Variants in SLC22A7 observed in about 807,000 individuals in gnomAD.
The protein encoded by SLC22A7 is solute carrier family 22 member 7, also known as hOAT2.
SLC22A7 carries 48 observed loss-of-function variants against 62.2 expected under a neutral mutation model. The observed-to-expected ratio is 0.77, with a 90% confidence interval of 0.61 to 0.98. The LOEUF is 0.98. Among genes scored for constraint, SLC22A7 ranks in the 50% least tolerant of loss-of-function variants. The pLI, the probability that SLC22A7 is intolerant of heterozygous loss-of-function variation, is 0.00. For missense variants in SLC22A7, 581 were observed against 703.8 expected (o/e 0.83, Z 1.97); for synonymous variants, 276 against 314.8 (o/e 0.88, Z 1.30).
chr6:43,298,673 G>A lies in SLC22A7; in HGVS notation c.315G>A (p.Glu105=). 6.4e-7 allele frequency: 1 copy of A among 1,561,152 alleles called. No homozygotes were observed. The highest frequency in any genetic ancestry group is 2.3e-5 in the East Asian group (1 of 44,430). Reference sequence around the variant, plus strand: ...AAAGGCAGAGCCGTGGGGAGCTGGAGGATGAACCTGCCACAGTGCCCTGCT... The same window carrying A: ...AAAGGCAGAGCCGTGGGGAGCTGGAAGATGAACCTGCCACAGTGCCCTGCT... ...GEERQSRGEL[E]DEPATVPCSQ... is the part of the protein sequence containing the mutation. Residue 105 remains glutamate (E), a synonymous_variant, in exon 1 of 11, where the codon GAG becomes GAA. Transcript: ENST00000372585.
intron 9 of SLC22A7, chr6:43,303,027 G>T (rs1406679435): frequency 5.0e-6 from 4 of 798,440 alleles, no homozygotes; most frequent in Non-Finnish European, 6.1e-6. Context: ...CCTCTCACTC[G>T]TTCTCCACAC....
chr6:43,301,030 G>A (rs1439070696), intron 5 of SLC22A7, 105 bp from the exon 6 acceptor site: 5 of 1,411,044 alleles, frequency 3.5e-6, no homozygotes, highest in Admixed American at 1.8e-5. Flanking sequence ...AGGCTAAGGG[G>A]ACTACATGAG....
In SLC22A7 at chr6:43,300,402, G is replaced by A. The variant is rs70953682; in HGVS notation, c.827+336G>A. ...CTCAGGCCGGAGAGTGGGAGGACAG[G>A]CAGGGTGGGCACTACATTGCCTCCT... On this transcript the variant is annotated intron_variant, in intron 5 of 10. Transcript: ENST00000372585. 6.6e-3 allele frequency among the ~76,000 whole-genome samples: 1,008 copies of A among 152,206 alleles called. 6 individuals carry two copies. Among genetic ancestry groups the A allele is most frequent in the Non-Finnish European group, 0.011 (742 of 67,996 alleles).
intron 5 of SLC22A7, among the ~76,000 whole-genome samples, chr6:43,300,826 A>C (rs1326918161): frequency 6.6e-6 from 1 of 152,118 alleles, no homozygotes; most frequent in East Asian, 1.9e-4. Context: ...TTGTAGAGAC[A>C]GGGTCTTGCC....
rs2150735817 is a variant in SLC22A7, at chr6:43,302,949, C to T, written c.1385+186C>T. On this transcript the variant is annotated intron_variant, in intron 9 of 10. Transcript: ENST00000372585. The surrounding 1 kb of genome is among the most constrained non-coding windows in gnomAD (Gnocchi z 5.0). ...CTCAAACTCCTGGTCTCAAGCGATCCTCCCGCCTCAGCCTCCAAAAGTGCT... is the reference window on the plus strand; with the variant it reads ...CTCAAACTCCTGGTCTCAAGCGATCTTCCCGCCTCAGCCTCCAAAAGTGCT... The T allele has an allele frequency of 3.7e-6, 1 of 272,238 alleles. No individual in the cohort carries two copies. The highest frequency in any genetic ancestry group is 1.8e-3 in the Middle Eastern group (1 of 562). 16.9% of individuals were successfully genotyped at this position (272,238 alleles called of 1,614,324 possible).
Position 43,305,045 on chromosome 6 carries a change from C to A in SLC22A7, c.*320C>A, listed in dbSNP as rs1401656540. 1.2e-5 allele frequency: 3 copies of A among 250,356 alleles called. No individual in the cohort carries two copies. Among genetic ancestry groups the A allele is most frequent in the African/African-American group, 4.5e-5 (2 of 44,750 alleles). 15.5% of individuals were successfully genotyped at this position (250,356 alleles called of 1,614,324 possible). On this transcript the variant is annotated 3_prime_UTR_variant, in exon 11 of 11. Coordinates refer to ENST00000372585, the MANE Select transcript of SLC22A7 (RefSeq NM_153320.2). ...AGGAAGCCACTGAGTCTGCCCTGGG[C>A]TCTGATAAAACCTTCACCATTAACT...
chr6:43,304,641 C>T, intron 10 of SLC22A7, 30 bp from the exon 11 acceptor site: 2 of 1,598,920 alleles, frequency 1.3e-6, no homozygotes, highest in Non-Finnish European at 1.7e-6. Context: ...GATTAAACCC[C>T]ACCATTGCTC....
Position 43,302,516 on chromosome 6 carries a change from C to T in SLC22A7, c.1276+102C>T. ...TCCTGGCCAAGAACCCACTCCTCCCCCAGATCCCTGCTCTTACCCAGTGAG... is the reference window on the plus strand; with the variant it reads ...TCCTGGCCAAGAACCCACTCCTCCCTCAGATCCCTGCTCTTACCCAGTGAG... On this transcript the variant is annotated intron_variant, in intron 8 of 10. Coordinates refer to ENST00000372585, the MANE Select transcript of SLC22A7 (RefSeq NM_153320.2). The surrounding 1 kb of genome is among the most constrained non-coding windows in gnomAD (Gnocchi z 5.0). 1 of 1,227,780 alleles carries T rather than the reference C, an allele frequency of 8.1e-7. No individual in the cohort carries two copies. The highest frequency in any genetic ancestry group is 1.1e-6 in the Non-Finnish European group (1 of 881,778). 76.1% of individuals were successfully genotyped at this position (1,227,780 alleles called of 1,614,324 possible). A position where few individuals can be genotyped will look rare whatever the true frequency, so the allele number is the denominator to read the frequency against.
At position 43,302,310 on chromosome 6, in the gene SLC22A7, T is replaced by C; in HGVS notation, c.1172T>C (p.Leu391Pro). ...LFGAVELPSK[L>P]LVYLSVRYAG... ...GGGGCTGTGGAACTGCCCTCCAAGC[T>C]GCTGGTCTACTTGTCGGTGCGCTAC... Residue 391 changes from leucine (L) to proline (P), a missense_variant, in exon 8 of 11, where the codon CTG becomes CCG. Physicochemically the swap from Leu to Pro is moderately conservative, Grantham distance 98. Coordinates refer to ENST00000372585, the MANE Select transcript of SLC22A7 (RefSeq NM_153320.2). The surrounding 1 kb of genome is among the most constrained non-coding windows in gnomAD (Gnocchi z 5.0). The C allele has an allele frequency of 1.9e-6, 3 of 1,613,956 alleles. No individual in the cohort carries two copies. The highest frequency in any genetic ancestry group is 2.5e-6 in the Non-Finnish European group (3 of 1,179,986).
chr6:43,299,506 A>G lies in SLC22A7; in HGVS notation c.503+13A>G. 6.2e-7 allele frequency: 1 copy of G among 1,608,654 alleles called. No individual in the cohort carries two copies. Among genetic ancestry groups the G allele is most frequent in the South Asian group, 1.1e-5 (1 of 90,540 alleles). On this transcript the variant is annotated intron_variant, in intron 3 of 10. Coordinates refer to ENST00000372585, the MANE Select transcript of SLC22A7 (RefSeq NM_153320.2). The surrounding 1 kb of genome is among the most constrained non-coding windows in gnomAD (Gnocchi z 4.4). Reference sequence around the variant, plus strand: ...ATCTGTCCGACAGGTGGGGTGAGGCACTGGGCCAATAAGAAACTGGCTGGG... The same window carrying G: ...ATCTGTCCGACAGGTGGGGTGAGGCGCTGGGCCAATAAGAAACTGGCTGGG...
intron 6 of SLC22A7, 39 bp from the exon 7 acceptor site, chr6:43,301,544 C>G (rs1296860519): frequency 6.6e-7 from 1 of 1,507,524 alleles, no homozygotes; most frequent in Admixed American, 1.7e-5. Flanking sequence ...GATCACATAG[C>G]CAACTCTGAT....
At chr6:43,303,359 C>G (rs1339523531) in intron 9 of SLC22A7, among the ~76,000 whole-genome samples, 1 of 152,140 alleles carries the variant, frequency 6.6e-6, no homozygotes, top group Non-Finnish European at 1.5e-5. Flanking sequence ...ATTTGGGAGG[C>G]TGAGGCAGGA....
intron 1 of SLC22A7, 135 bp from the exon 2 acceptor site, chr6:43,298,954 CATT>C (rs761809074): frequency 1.4e-5 from 16 of 1,138,198 alleles, no homozygotes; most frequent in South Asian, 1.4e-4. Context: ...TTATCATCAT[CATT>C]AATTGGGAGG....
intron 6 of SLC22A7, 125 bp downstream of exon 6, chr6:43,301,383 T>A: frequency 7.1e-7 from 1 of 1,407,618 alleles, no homozygotes; most frequent in Non-Finnish European, 9.8e-7. Flanking sequence ...CACAGAGAGT[T>A]CCGAACTCTT....
chr6:43,301,097 A>G, intron 5 of SLC22A7, 38 bp from the exon 6 acceptor site: 2 of 1,613,678 alleles, frequency 1.2e-6, no homozygotes, highest in Middle Eastern at 1.7e-4. Context: ...GCTTAGGGTC[A>G]TGACTTTCTG....
At position 43,302,486 on chromosome 6, in the gene SLC22A7, C is replaced by T; in HGVS notation, c.1276+72C>T. 1 of 1,378,154 alleles carries T rather than the reference C, an allele frequency of 7.3e-7. No homozygotes were observed. Among genetic ancestry groups the T allele is most frequent in the African/African-American group, 1.4e-5 (1 of 69,358 alleles). 85.4% of individuals were successfully genotyped at this position (1,378,154 alleles called of 1,614,324 possible). ...GAACCCTGCCCACTCCCCGGAGACC[C>T]CACCTCCTGGCCAAGAACCCACTCC... On this transcript the variant is annotated intron_variant, in intron 8 of 10. Transcript: ENST00000372585. This position sits in a 1 kb window ranked among gnomAD's most constrained non-coding sequence, Gnocchi z 5.0.
In SLC22A7 at chr6:43,299,301, G is replaced by A; in HGVS notation, c.400-89G>A. The A allele has an allele frequency of 6.2e-7, 1 of 1,605,396 alleles. No individual in the cohort carries two copies. Among genetic ancestry groups the A allele is most frequent in the Non-Finnish European group, 8.5e-7 (1 of 1,175,640 alleles). On this transcript the variant is annotated intron_variant, in intron 2 of 10. Transcript: ENST00000372585. The surrounding 1 kb of genome is among the most constrained non-coding windows in gnomAD (Gnocchi z 4.4). The stretch of plus-strand genomic sequence containing the variant: ...TACCAGAATGGCAGAGTTCGCCTCA[G>A]AAGGCTCCAGGGTCTGGAGAGGAGG...
intron 6 of SLC22A7, 44 bp downstream of exon 6, chr6:43,301,302 G>C: frequency 6.2e-7 from 1 of 1,611,000 alleles, no homozygotes; most frequent in South Asian, 1.1e-5. Context: ...TGTGTGTGGT[G>C]GGGAGTGGGC....
Position 43,299,125 on chromosome 6 carries a change from G to C in SLC22A7, c.399+28G>C. ...CGGTATTTACATAATCCATCTGGAG[G>C]TGGAATGTCGGTGGAGGCAGTCTCC... On this transcript the variant is annotated intron_variant, in intron 2 of 10. Transcript: ENST00000372585. The surrounding 1 kb of genome is among the most constrained non-coding windows in gnomAD (Gnocchi z 4.4). 1 of 1,613,962 alleles carries C rather than the reference G, an allele frequency of 6.2e-7. No homozygotes were observed. The highest frequency in any genetic ancestry group is 8.5e-7 in the Non-Finnish European group (1 of 1,179,896).
Sources: gnomAD v4.1 joint callset for allele counts (sites outside exome capture counted in the v4.1 genomes callset) on GRCh38, gnomAD v4.1.1 for gene constraint, Gnocchi (gnomAD v3.1) non-coding constraint, MANE v1.5 for transcripts, NCBI Gene and HGNC (gene_info 2026-07-23, HGNC 2026-07-21) for gene names.